Variants in VAV2 observed in about 807,000 individuals in gnomAD.
VAV2 encodes vav guanine nucleotide exchange factor 2, also known as guanine nucleotide exchange factor VAV2.
A neutral mutation model predicts 132.5 loss-of-function variants in VAV2; 67 were observed. That is an observed-to-expected ratio of 0.51 (90% CI 0.42 to 0.62). The LOEUF (loss-of-function observed/expected upper bound fraction) is 0.62. Among genes scored for constraint, VAV2 ranks in the 20% least tolerant of loss-of-function variants. VAV2 has a pLI of 0.00. For missense variants in VAV2, 938 were observed against 1,153.6 expected (o/e 0.81, Z 2.71); for synonymous variants, 492 against 443.5 (o/e 1.11, Z -1.37).
At chr9:133,812,922 C>T (rs975676737) in intron 4 of VAV2, among the ~76,000 whole-genome samples, 4 of 152,212 alleles carry the variant, frequency 2.6e-5, no homozygotes, top group South Asian at 2.1e-4. Context: ...CTCTTGCAGA[C>T]GCTCGTGTAC....
chr9:133,767,104 A>G (rs1833464080), intron 29 of VAV2, among the ~76,000 whole-genome samples: 1 of 152,142 alleles, frequency 6.6e-6, no homozygotes, highest in South Asian at 2.1e-4. Context: ...CAACTAGAAA[A>G]TAAAGTTAGA....
At position 133,834,182 on chromosome 9, in the gene VAV2, C is replaced by T. The variant is rs963885968; in HGVS notation, c.449+90G>A. ...GGGCCAGCTCTGCCTGCACTGTGGC[C>T]GCCATGTTTCCTCCTGACTCCCTGG... On this transcript the variant is annotated intron_variant, in intron 4 of 29. Transcript: ENST00000371850. The surrounding 1 kb of genome is among the most constrained non-coding windows in gnomAD (Gnocchi z 5.9). 22 of 1,444,042 alleles carry T rather than the reference C, an allele frequency of 1.5e-5. No individual in the cohort carries two copies. The highest frequency in any genetic ancestry group is 1.0e-4 in the Admixed American group (5 of 49,158). The allele number at this position is 1,444,042 out of a possible 1,614,324, so 89.5% of individuals were successfully genotyped here.
rs183724845 is a variant in VAV2, at chr9:133,915,873, C to T, written c.321+23230G>A. Among the ~76,000 whole-genome samples the T allele has an allele frequency of 2.1e-3, 310 of 148,278 alleles. 1 individual carries two copies. Among genetic ancestry groups the T allele is most frequent in the African/African-American group, 6.3e-3 (253 of 40,052 alleles). ...CACACACACGATGTACATGTACACG[C>T]GACCCACACATGCACACTCACACAC... On this transcript the variant is annotated intron_variant, in intron 2 of 29. Transcript: ENST00000371850.
At chr9:133,931,684 C>T (rs1428311191) in intron 2 of VAV2, among the ~76,000 whole-genome samples, 1 of 152,192 alleles carries the variant, frequency 6.6e-6, no homozygotes, top group Non-Finnish European at 1.5e-5. Flanking sequence ...AAAGAGCTGC[C>T]TGTGACCCGG....
At chr9:133,766,645 A>G (rs927996785) in intron 29 of VAV2, among the ~76,000 whole-genome samples, 2 of 151,766 alleles carry the variant, frequency 1.3e-5, no homozygotes, top group Non-Finnish European at 2.9e-5. Context: ...TAGGAGACAT[A>G]CCTAATGTAA....
rs758737018 is a variant in VAV2 at position 133,778,795 on chromosome 9, C to G, written c.1857G>C (p.Leu619=). The change falls in exon 22 of 30, where the codon CTG becomes CTC. Residue 619 remains leucine (L), a synonymous_variant. Transcript: ENST00000371850. The part of the protein sequence containing the change: ...LTFQTGDVLE[L]LRGDPESPWW... The stretch of plus-strand genomic sequence containing the variant: ...ACGGAGACTCAGGGTCGCCCCTCAG[C>G]AGCTCAAGCACGTCGCCCGTCTGGA... 6.2e-7 allele frequency: 1 copy of G among 1,612,904 alleles called. No homozygotes were observed. The highest frequency in any genetic ancestry group is 2.2e-5 in the East Asian group (1 of 44,882).
rs1053062405 is a variant in VAV2, at chr9:133,788,252, C to T, written c.1407+102G>A. ...CCCCAACCCACCCGGCCAGCATCAG[C>T]GGCTGACTTCGAGTCCCCTTCCCCT... On this transcript the variant is annotated intron_variant, in intron 15 of 29. Coordinates refer to ENST00000371850, the MANE Select transcript of VAV2 (RefSeq NM_001134398.2). This position sits in a 1 kb window ranked among gnomAD's most constrained non-coding sequence, Gnocchi z 5.3. The T allele has an allele frequency of 8.2e-6, 11 of 1,337,604 alleles. No individual in the cohort carries two copies. The highest frequency in any genetic ancestry group is 5.9e-5 in the Admixed American group (3 of 50,942). The allele number at this position is 1,337,604 out of a possible 1,614,324, so 82.9% of individuals were successfully genotyped here.
chr9:133,980,231 G>A (rs369106307), intron 1 of VAV2, among the ~76,000 whole-genome samples: 219 of 152,284 alleles, frequency 1.4e-3, no homozygotes, highest in African/African-American at 4.5e-3. Context: ...AGTGAATGGC[G>A]CTCCAGAGGC....
chr9:133,892,939 T>C (rs1170339601), intron 2 of VAV2, among the ~76,000 whole-genome samples: 1 of 152,156 alleles, frequency 6.6e-6, no homozygotes. Context: ...AGAATTATCA[T>C]CAGGATGATG....
At chr9:133,954,584 C>T (rs866863987) in intron 1 of VAV2, among the ~76,000 whole-genome samples, 6 of 152,372 alleles carry the variant, frequency 3.9e-5, no homozygotes, top group Admixed American at 6.5e-5. Context: ...GGAGCTGTGG[C>T]ACTGCAGCCA....
intron 2 of VAV2, 151 bp downstream of exon 2, chr9:133,938,952 G>A: frequency 1.3e-6 from 1 of 745,606 alleles, no homozygotes; most frequent in Non-Finnish European, 2.3e-6. Context: ...AACAGGACCT[G>A]CCTGCACCTC....
chr9:133,879,269 G>C lies in VAV2; in HGVS notation c.322-17837C>G, dbSNP rs1460629586. On this transcript the variant is annotated intron_variant, in intron 2 of 29. Coordinates refer to ENST00000371850, the MANE Select transcript of VAV2 (RefSeq NM_001134398.2). The surrounding 1 kb of genome is among the most constrained non-coding windows in gnomAD (Gnocchi z 4.4). Reference sequence around the variant, plus strand: ...ACTTTGAGCAGCTGCTGCGTACCAAGCACTGTGCTAGGGTGACCTCTGGAG... The same window carrying C: ...ACTTTGAGCAGCTGCTGCGTACCAACCACTGTGCTAGGGTGACCTCTGGAG... 6.6e-6 allele frequency among the ~76,000 whole-genome samples: 1 copy of C among 152,136 alleles called. No homozygotes were observed. Among genetic ancestry groups the C allele is most frequent in the African/African-American group, 2.4e-5 (1 of 41,430 alleles).
chr9:133,819,392 A>T (rs28493540), intron 4 of VAV2, among the ~76,000 whole-genome samples: 34,593 of 150,700 alleles, frequency 0.23, 5,191 homozygotes, highest in African/African-American at 0.42. Context: ...GAGTTTGCAG[A>T]GAGCCGAGAT....
At chr9:133,968,563 G>A (rs1474634904) in intron 1 of VAV2, among the ~76,000 whole-genome samples, 5 of 152,120 alleles carry the variant, frequency 3.3e-5, no homozygotes, top group African/African-American at 9.7e-5. Context: ...CCTACCCATG[G>A]GGCCATCCCC....
intron 25 of VAV2, among the ~76,000 whole-genome samples, chr9:133,773,050 T>C (rs959969084): frequency 2.7e-5 from 4 of 148,388 alleles, no homozygotes; most frequent in Admixed American, 1.3e-4. Context: ...ACCCCACACC[T>C]AGGCTGGACG....
chr9:133,763,830 T>C lies in VAV2; in HGVS notation c.*232A>G. The C allele has an allele frequency of 1.8e-6, 1 of 554,520 alleles. No homozygotes were observed. Among genetic ancestry groups the C allele is most frequent in the Non-Finnish European group, 3.2e-6 (1 of 309,900 alleles). The allele number at this position is 554,520 out of a possible 1,614,324, so 34.3% of individuals were successfully genotyped here. A position where few individuals can be genotyped will look rare whatever the true frequency, so the allele number is the denominator to read the frequency against. ...CCCTCCTCTGCGCTCTGGGTGGGGC[T>C]AGCCCAGGTTTCCTCTATGTACAAT... On this transcript the variant is annotated 3_prime_UTR_variant, in exon 30 of 30. Coordinates refer to ENST00000371850, the MANE Select transcript of VAV2 (RefSeq NM_001134398.2). This position sits in a 1 kb window ranked among gnomAD's most constrained non-coding sequence, Gnocchi z 6.8.
chr9:133,945,170 A>C (rs1841314967), intron 1 of VAV2, among the ~76,000 whole-genome samples: 1 of 152,238 alleles, frequency 6.6e-6, no homozygotes, highest in African/African-American at 2.4e-5. Context: ...TTGACCCCCA[A>C]GGCCAGACTG....
chr9:133,874,806 T>C (rs1216768681), intron 2 of VAV2, among the ~76,000 whole-genome samples: 2 of 151,866 alleles, frequency 1.3e-5, no homozygotes, highest in African/African-American at 4.8e-5. Flanking sequence ...TGTGGGACCC[T>C]AGGATCCATC....
intron 4 of VAV2, among the ~76,000 whole-genome samples, chr9:133,819,196 G>A (rs1835687025): frequency 6.6e-6 from 1 of 151,206 alleles, no homozygotes; most frequent in African/African-American, 2.4e-5. Context: ...TGTAATCCCA[G>A]CACTTTGGGA....
Sources: gnomAD v4.1 joint callset for allele counts (sites outside exome capture counted in the v4.1 genomes callset) on GRCh38, gnomAD v4.1.1 for gene constraint, Gnocchi (gnomAD v3.1) non-coding constraint, MANE v1.5 for transcripts, NCBI Gene and HGNC (gene_info 2026-07-23, HGNC 2026-07-21) for gene names.